EDEM2: variants seen among roughly 807,000 people sequenced by gnomAD.
EDEM2 encodes the protein ER degradation-enhancing alpha-mannosidase-like protein 2.
In EDEM2, 39 loss-of-function variants were observed where a neutral mutation model predicts 64.8. The observed-to-expected ratio is 0.60, with a 90% CI of 0.47 to 0.79. The LOEUF (loss-of-function observed/expected upper bound fraction) is 0.79. Ranked by LOEUF, EDEM2 falls within the 30% of genes least tolerant of loss-of-function variation. The pLI, the probability that EDEM2 is intolerant of heterozygous loss-of-function variation, is 0.00. For missense variants in EDEM2, 609 were observed against 731.3 expected (o/e 0.83, Z 1.93); for synonymous variants, 296 against 291.5 (o/e 1.02, Z -0.16).
At chr20:35,118,162 C>T (rs1255136560) in intron 10 of EDEM2, among the ~76,000 whole-genome samples, 1 of 152,202 alleles carries the variant, frequency 6.6e-6, no homozygotes, top group African/African-American at 2.4e-5. Context: ...ATGTGAAAGA[C>T]ATTCAAGAAA....
At chr20:35,122,570 C>T (rs1319330910) in intron 9 of EDEM2, among the ~76,000 whole-genome samples, 1 of 152,020 alleles carries the variant, frequency 6.6e-6, no homozygotes, top group Admixed American at 6.6e-5. Context: ...GATGGGGTTT[C>T]ACCATGTTGG....
At position 35,115,564 on chromosome 20, in the gene EDEM2, A is replaced by C; in HGVS notation, c.1606T>G (p.Ser536Ala). Residue 536 changes from serine to alanine, a missense_variant, in exon 11 of 11, where the codon TCA becomes GCA. Coordinates refer to ENST00000374492, the MANE Select transcript of EDEM2 (RefSeq NM_018217.3). ...CTTGCCTGGTCATGGTTTTCTGGTG[A>C]GAAGAGTGTTCCTGGCCTTGCTGGA... ...EPPARPGTLF[S>A]PENHDQARER... 1 of 1,614,068 alleles carries C rather than the reference A, an allele frequency of 6.2e-7. No homozygotes were observed. The highest frequency in any genetic ancestry group is 8.5e-7 in the Non-Finnish European group (1 of 1,180,002).
intron 4 of EDEM2, among the ~76,000 whole-genome samples, chr20:35,140,453 G>A (rs965028458): frequency 6.6e-6 from 1 of 152,162 alleles, no homozygotes; most frequent in Non-Finnish European, 1.5e-5. Context: ...ACTCCAGCCT[G>A]GGTGGCAGAG....
intron 5 of EDEM2, among the ~76,000 whole-genome samples, chr20:35,135,581 G>C (rs985452218): frequency 6.6e-6 from 1 of 152,160 alleles, no homozygotes; most frequent in South Asian, 2.1e-4. Flanking sequence ...AACCCAAGAG[G>C]CGTGGGCTGC....
At chr20:35,134,710 C>CAA (rs2085550819) in intron 6 of EDEM2, 28 bp downstream of exon 6, 1 of 1,611,120 alleles carries the variant, frequency 6.2e-7, no homozygotes, top group African/African-American at 1.3e-5. Flanking sequence ...AGCAGGGACT[C>CAA]AAACAGGAAG....
At chr20:35,144,154 C>T (rs2085696787) in intron 3 of EDEM2, among the ~76,000 whole-genome samples, 1 of 152,094 alleles carries the variant, frequency 6.6e-6, no homozygotes, top group Non-Finnish European at 1.5e-5. Flanking sequence ...AGCAGTCCTG[C>T]CGCCTTGGCC....
chr20:35,128,604 T>C (rs1228188813), intron 7 of EDEM2, among the ~76,000 whole-genome samples: 9 of 149,036 alleles, frequency 6.0e-5, no homozygotes, highest in African/African-American at 2.3e-4. Flanking sequence ...AGGCAGGTCC[T>C]TCAAGGAATT....
chr20:35,139,666 AG>A (rs2085626457), intron 4 of EDEM2, among the ~76,000 whole-genome samples: 2 of 151,462 alleles, frequency 1.3e-5, no homozygotes, highest in Middle Eastern at 3.4e-3. Flanking sequence ...AAAAAAAAAA[AG>A]AAAAGAAAGA....
At chr20:35,120,805 T>C (rs908401487) in intron 9 of EDEM2, among the ~76,000 whole-genome samples, 10 of 151,864 alleles carry the variant, frequency 6.6e-5, no homozygotes, top group Non-Finnish European at 1.5e-4. Context: ...GCCATATTGG[T>C]CAGGCTGGTC....
At chr20:35,140,457 G>T (rs527239621) in intron 4 of EDEM2, among the ~76,000 whole-genome samples, 4 of 152,278 alleles carry the variant, frequency 2.6e-5, no homozygotes, top group South Asian at 4.1e-4. Context: ...CAGCCTGGGT[G>T]GCAGAGTGAG....
At chr20:35,147,044 A>C in intron 1 of EDEM2, 108 bp downstream of exon 1, 1 of 1,545,076 alleles carries the variant, frequency 6.5e-7, no homozygotes, top group Non-Finnish European at 8.8e-7. Flanking sequence ...TCTCCCTGGG[A>C]CCTAGCGGCT....
chr20:35,138,104 T>C, intron 4 of EDEM2, 99 bp from the exon 5 acceptor site: 1 of 1,473,554 alleles, frequency 6.8e-7, no homozygotes, highest in Non-Finnish European at 9.1e-7. Context: ...CACTCTATTG[T>C]GGGGCGCATG....
At chr20:35,128,260 G>C (rs6120842) in intron 7 of EDEM2, among the ~76,000 whole-genome samples, 1,755 of 142,946 alleles carry the variant, frequency 0.012, 18 homozygotes, top group African/African-American at 0.025. Flanking sequence ...GCGGGCGCCT[G>C]TAATCCCAGC....
intron 2 of EDEM2, 24 bp from the exon 3 acceptor site, chr20:35,145,042 C>A (rs2146118154): frequency 6.2e-7 from 1 of 1,613,426 alleles, no homozygotes; most frequent in South Asian, 1.1e-5. Flanking sequence ...GAAATCCCAG[C>A]CGCTTAGTAA....
chr20:35,131,433 C>T (rs1414373273), intron 7 of EDEM2, among the ~76,000 whole-genome samples: 1 of 152,088 alleles, frequency 6.6e-6, no homozygotes, highest in East Asian at 1.9e-4. Flanking sequence ...CGCCTGTAGT[C>T]CACACCATCA....
At chr20:35,126,695 C>T (rs1237338989) in intron 7 of EDEM2, among the ~76,000 whole-genome samples, 12 of 152,060 alleles carry the variant, frequency 7.9e-5, no homozygotes, top group Non-Finnish European at 1.5e-5. Flanking sequence ...GGCGGATCAC[C>T]TGAGATTGGG....
chr20:35,123,556 C>T (rs893368059), intron 9 of EDEM2, among the ~76,000 whole-genome samples: 1 of 152,128 alleles, frequency 6.6e-6, no homozygotes, highest in Non-Finnish European at 1.5e-5. Context: ...CACACCATTG[C>T]ACTTCAGTCT....
intron 8 of EDEM2, among the ~76,000 whole-genome samples, chr20:35,126,030 T>C (rs2085428183): frequency 6.6e-6 from 1 of 152,222 alleles, no homozygotes; most frequent in Admixed American, 6.5e-5. Flanking sequence ...CTTTAAGTAC[T>C]GTAACACTCC....
Position 35,137,901 on chromosome 20 carries a change from C to T in EDEM2, c.469G>A (p.Ala157Thr). 1.2e-6 allele frequency: 2 copies of T among 1,614,164 alleles called. No individual in the cohort carries two copies. The highest frequency in any genetic ancestry group is 1.7e-6 in the Non-Finnish European group (2 of 1,180,012). Residue 157 changes from alanine (A) to threonine (T), a missense_variant, in exon 5 of 11, where the codon GCG becomes ACG. By Grantham distance (58) the Ala-to-Thr change is moderately conservative. Transcript: ENST00000374492. ...SGPLLRMAEE[A>T]ARKLLPAFQT... ...TTACCTGGGAGGAGTTTTCGGGCCG[C>T]CTCCTCAGCCATTCTCAGGAGAGGC...
Sources: gnomAD v4.1 joint callset for allele counts (sites outside exome capture counted in the v4.1 genomes callset) on GRCh38, gnomAD v4.1.1 for gene constraint, MANE v1.5 for transcripts, NCBI Gene and HGNC (gene_info 2026-07-23, HGNC 2026-07-21) for gene names.